The following KCTD17 variants were observed in gnomAD, a reference collection of about 807,000 sequenced individuals.
KCTD17 encodes the protein potassium channel tetramerization domain containing 17.
Under a neutral mutation model 41.5 loss-of-function variants are expected in KCTD17, and 20 were observed. The observed-to-expected ratio is 0.48, with a 90% CI of 0.34 to 0.70. The LOEUF is 0.70. KCTD17 is among the 30% of genes least tolerant of loss of function. The pLI, the probability that KCTD17 is intolerant of heterozygous loss-of-function variation, is 0.01. For synonymous variants in KCTD17, 156 were observed against 173.8 expected, an observed-to-expected ratio of 0.90 and a Z score of 0.80; for missense variants, 317 against 427.2, an observed-to-expected ratio of 0.74 and a Z score of 2.27.
chr22:37,060,381 G>A (rs1353053857), intron 5 of KCTD17, among the ~76,000 whole-genome samples: 1 of 148,586 alleles, frequency 6.7e-6, no homozygotes, highest in Non-Finnish European at 1.5e-5. Context: ...TTGGGCCAAA[G>A]CCCCTGGACC....
At position 37,061,459 on chromosome 22, in the gene KCTD17, C is replaced by T. The variant is rs1012343784; in HGVS notation, c.785-80C>T. 1.1e-4 allele frequency: 163 copies of T among 1,526,718 alleles called. No homozygotes were observed. The highest frequency in any genetic ancestry group is 9.7e-5 in the Admixed American group (5 of 51,656). 94.6% of individuals were successfully genotyped at this position (1,526,718 alleles called of 1,614,324 possible). A position where few individuals can be genotyped will look rare whatever the true frequency, so the allele number is the denominator to read the frequency against. On this transcript the variant is annotated intron_variant, in intron 7 of 8. Coordinates refer to ENST00000403888, the MANE Select transcript of KCTD17 (RefSeq NM_001282684.2). The surrounding 1 kb of genome is among the most constrained non-coding windows in gnomAD (Gnocchi z 6.6). Reference sequence around the variant, plus strand: ...CTGTGCCCACTAACCCTGCCGGGCACCTCTGAGACTGGGCCCTGGCTGCAG... The same window carrying T: ...CTGTGCCCACTAACCCTGCCGGGCATCTCTGAGACTGGGCCCTGGCTGCAG...
At position 37,061,093 on chromosome 22, in the gene KCTD17, T is replaced by G; in HGVS notation, c.713-11T>G. 1 of 1,551,334 alleles carries G rather than the reference T, an allele frequency of 6.4e-7. No homozygotes were observed. The highest frequency in any genetic ancestry group is 8.7e-7 in the Non-Finnish European group (1 of 1,146,886). On this transcript the variant is annotated splice_polypyrimidine_tract_variant and intron_variant, in intron 6 of 8. Transcript: ENST00000403888. The surrounding 1 kb of genome is among the most constrained non-coding windows in gnomAD (Gnocchi z 6.6). ...CGCATAACCATCCCTTCTCTCACTTTCTCTTTGCAGCCCAGTCATCTCAGG... is the reference window on the plus strand; with the variant it reads ...CGCATAACCATCCCTTCTCTCACTTGCTCTTTGCAGCCCAGTCATCTCAGG...
At chr22:37,055,327 C>G (rs144618366) in intron 2 of KCTD17, 1 of 152,204 alleles carries the variant, frequency 6.6e-6, no homozygotes, top group Non-Finnish European at 1.5e-5. Context: ...CAGATGTCCC[C>G]GCCAGATCGC....
Position 37,051,824 on chromosome 22 carries a change from TGG to T in KCTD17, c.67_68del (p.Gly23GlnfsTer42). 7.5e-7 allele frequency: 1 copy of T among 1,337,552 alleles called. No homozygotes were observed. 82.9% of individuals were successfully genotyped at this position (1,337,552 alleles called of 1,614,324 possible). ...AGAGGRAAGG[W>X]GKWVRLNVGG... ...GGCGGGCGGCCGCGCCGCAGGCGGCTGGGGCAAGTGGGTGCGGCTCAACGTGG... is the reference window on the plus strand; with the variant it reads ...GGCGGGCGGCCGCGCCGCAGGCGGCTGGCAAGTGGGTGCGGCTCAACGTGG... On this transcript the variant is annotated frameshift_variant, in exon 1 of 9. Transcript: ENST00000403888. LOFTEE classifies it high-confidence loss of function.
rs555873447 is a variant in KCTD17, at chr22:37,053,111, G to A, written c.201G>A (p.Gly67=). 3.1e-6 allele frequency: 5 copies of A among 1,590,682 alleles called. No individual in the cohort carries two copies. In the African/African-American group the frequency reaches 6.7e-5, roughly 21 times the overall value. Residue 67 remains glycine, a synonymous_variant, in exon 2 of 9, where the codon GGG becomes GGA. Coordinates refer to ENST00000403888, the MANE Select transcript of KCTD17 (RefSeq NM_001282684.2). This position sits in a 1 kb window ranked among gnomAD's most constrained non-coding sequence, Gnocchi z 4.1. ...EELQSDRDET[G]AYLIDRDPTY... is the part of the protein sequence containing the mutation. ...CCTCACCTCCATAGGATGAGACCGG[G>A]GCCTACCTCATTGACCGTGACCCCA...
chr22:37,052,663 C>T (rs1265570410), intron 1 of KCTD17: 2 of 470,492 alleles, frequency 4.3e-6, no homozygotes, highest in African/African-American at 2.0e-5. Context: ...ACCCTGCCTC[C>T]CTGCCCGCCC....
chr22:37,058,962 C>A (rs972410717), intron 4 of KCTD17, among the ~76,000 whole-genome samples: 30 of 152,218 alleles, frequency 2.0e-4, no homozygotes, highest in Admixed American at 7.8e-4. Context: ...GGGGGACAGC[C>A]GCCCTTTAGA....
Position 37,061,182 on chromosome 22 carries a change from C to T in KCTD17, c.784+7C>T, listed in dbSNP as rs1925734819. 4 of 1,551,118 alleles carry T rather than the reference C, an allele frequency of 2.6e-6. No individual in the cohort carries two copies. The South Asian group carries it at 4.8e-5, about 18-fold the overall frequency. On this transcript the variant is annotated splice_region_variant and intron_variant, in intron 7 of 8. Transcript: ENST00000403888. The surrounding 1 kb of genome is among the most constrained non-coding windows in gnomAD (Gnocchi z 6.6). ...CCTCCGCTTCCCGCTGGAGGTCCTGCCTCATCTTCATCCACCTCTTCTTCC... is the reference window on the plus strand; with the variant it reads ...CCTCCGCTTCCCGCTGGAGGTCCTGTCTCATCTTCATCCACCTCTTCTTCC...
chr22:37,058,816 GC>G (rs1925440408), intron 4 of KCTD17, among the ~76,000 whole-genome samples: 1 of 152,220 alleles, frequency 6.6e-6, no homozygotes, highest in African/African-American at 2.4e-5. Context: ...TTGGTCATTT[GC>G]CCTTTGGTCT....
intron 2 of KCTD17, among the ~76,000 whole-genome samples, chr22:37,054,398 TC>T (rs1924849232): frequency 6.7e-6 from 1 of 149,152 alleles, no homozygotes; most frequent in African/African-American, 2.6e-5. Flanking sequence ...GACAGGGTTA[TC>T]TGGGGGCTAG....
intron 1 of KCTD17, 41 bp downstream of exon 1, chr22:37,051,990 T>G: frequency 7.4e-7 from 1 of 1,358,952 alleles, no homozygotes. Flanking sequence ...CGGTGGGTCC[T>G]CCGCTCGCCC....
chr22:37,062,633 T>C lies in KCTD17; in HGVS notation c.*39T>C, dbSNP rs372569746. On this transcript the variant is annotated 3_prime_UTR_variant, in exon 9 of 9. Coordinates refer to ENST00000403888, the MANE Select transcript of KCTD17 (RefSeq NM_001282684.2). ...TGTACCATGGGGTGGGCCCCGGGCC[T>C]GAGAAGGAAGAAGCACCCTCTCCCC... The C allele has an allele frequency of 4.4e-6, 7 of 1,594,120 alleles. No individual in the cohort carries two copies. The African/African-American group carries it at 6.7e-5, about 15-fold the overall frequency.
chr22:37,054,382 G>A (rs1236755422), intron 2 of KCTD17, among the ~76,000 whole-genome samples: 1 of 152,106 alleles, frequency 6.6e-6, no homozygotes, highest in Non-Finnish European at 1.5e-5. Flanking sequence ...GGGGGCTAGA[G>A]GATCAGACAG....
intron 2 of KCTD17, 58 bp from the exon 3 acceptor site, chr22:37,056,262 A>G: frequency 1.4e-6 from 2 of 1,469,558 alleles, no homozygotes; most frequent in Non-Finnish European, 1.9e-6. Flanking sequence ...AGGGAACAAG[A>G]GGAGAATGGG....
At position 37,061,907 on chromosome 22, in the gene KCTD17, T is replaced by G; in HGVS notation, c.875+278T>G. On this transcript the variant is annotated intron_variant, in intron 8 of 8. Coordinates refer to ENST00000403888, the MANE Select transcript of KCTD17 (RefSeq NM_001282684.2). This position sits in a 1 kb window ranked among gnomAD's most constrained non-coding sequence, Gnocchi z 6.6. Reference sequence around the variant, plus strand: ...CCCTGCACATCCAGGAGCTCCTGTGTCACTGCCTTGTGGCATCCCCTATTT... The same window carrying G: ...CCCTGCACATCCAGGAGCTCCTGTGGCACTGCCTTGTGGCATCCCCTATTT... 1.0e-6 allele frequency: 1 copy of G among 985,420 alleles called. No individual in the cohort carries two copies. The highest frequency in any genetic ancestry group is 1.2e-6 in the Non-Finnish European group (1 of 829,908). 61.0% of individuals were successfully genotyped at this position (985,420 alleles called of 1,614,324 possible). A position where few individuals can be genotyped will look rare whatever the true frequency, so the allele number is the denominator to read the frequency against.
chr22:37,060,937 C>G lies in KCTD17; in HGVS notation c.712+15C>G. 1.3e-6 allele frequency: 2 copies of G among 1,537,276 alleles called. No individual in the cohort carries two copies. Among genetic ancestry groups the G allele is most frequent in the South Asian group, 1.2e-5 (1 of 81,410 alleles). ...ACAGGAGAAAGGTGCAGCCAACCCC[C>G]AGGAGGATGATTGCTAAGCAAAGCC... On this transcript the variant is annotated intron_variant, in intron 6 of 8. Coordinates refer to ENST00000403888, the MANE Select transcript of KCTD17 (RefSeq NM_001282684.2).
In KCTD17 at chr22:37,061,035, G is replaced by C. The variant is rs1925717565; in HGVS notation, c.713-69G>C. On this transcript the variant is annotated intron_variant, in intron 6 of 8. Transcript: ENST00000403888. The surrounding 1 kb of genome is among the most constrained non-coding windows in gnomAD (Gnocchi z 6.6). ...CCCCGGGGCTGCTGGGGGGGCACCA[G>C]GGTTAGCTCAGCCACTTGCCTGGCG... 6.4e-6 allele frequency: 10 copies of C among 1,550,896 alleles called. No homozygotes were observed. Among genetic ancestry groups the C allele is most frequent in the Non-Finnish European group, 8.7e-6 (10 of 1,146,514 alleles).
Position 37,061,199 on chromosome 22 carries a change from T to C in KCTD17, c.784+24T>C. 2.6e-6 allele frequency: 4 copies of C among 1,550,822 alleles called. No homozygotes were observed. In the South Asian group the frequency reaches 4.8e-5, roughly 18 times the overall value. The stretch of plus-strand genomic sequence containing the variant: ...AGGTCCTGCCTCATCTTCATCCACC[T>C]CTTCTTCCTCCTGGATCTCATCTGC... On this transcript the variant is annotated intron_variant, in intron 7 of 8. Transcript: ENST00000403888. The surrounding 1 kb of genome is among the most constrained non-coding windows in gnomAD (Gnocchi z 6.6).
At position 37,051,904 on chromosome 22, in the gene KCTD17, C is replaced by A. The variant is rs572333922; in HGVS notation, c.144C>A (p.Ser48=). The A allele has an allele frequency of 6.6e-7, 1 of 1,505,484 alleles. No individual in the cohort carries two copies. The highest frequency in any genetic ancestry group is 2.1e-5 in the Admixed American group (1 of 48,452). 93.3% of individuals were successfully genotyped at this position (1,505,484 alleles called of 1,614,324 possible). A position where few individuals can be genotyped will look rare whatever the true frequency, so the allele number is the denominator to read the frequency against. Residue 48 remains serine (S), a synonymous_variant, in exon 1 of 9, where the codon TCC becomes TCA. Coordinates refer to ENST00000403888, the MANE Select transcript of KCTD17 (RefSeq NM_001282684.2). ...AGACGCTGTGCCGCGAGCAGAAGTC[C>A]TTCCTCAGCCGCCTGTGCCAGGGGG... ...TRQTLCREQK[S]FLSRLCQGEE...
Sources: gnomAD v4.1 joint callset for allele counts (sites outside exome capture counted in the v4.1 genomes callset) on GRCh38, gnomAD v4.1.1 for gene constraint, Gnocchi (gnomAD v3.1) non-coding constraint, MANE v1.5 for transcripts, NCBI Gene and HGNC (gene_info 2026-07-23, HGNC 2026-07-21) for gene names.